ARHGAP26: variants seen among roughly 807,000 people sequenced by gnomAD.
ARHGAP26 encodes the protein Rho GTPase activating protein 26, also known as rho GTPase-activating protein 26.
Under a neutral mutation model 104.8 loss-of-function variants are expected in ARHGAP26, and 38 were observed. The ratio of observed to expected loss-of-function variants is 0.36; its 90% CI spans 0.28 to 0.48. ARHGAP26 has a LOEUF of 0.48. ARHGAP26 is among the 20% of genes least tolerant of loss of function. The pLI, the probability that ARHGAP26 is intolerant of heterozygous loss-of-function variation, is 0.99. For missense variants in ARHGAP26, 704 were observed against 947.9 expected, an observed-to-expected ratio of 0.74 and a Z score of 3.38; for synonymous variants, 341 against 340.0, an observed-to-expected ratio of 1.00 and a Z score of -0.03.
At chr5:142,912,956 C>T (rs778025881) in intron 9 of ARHGAP26, among the ~76,000 whole-genome samples, 25 of 152,164 alleles carry the variant, frequency 1.6e-4, no homozygotes, top group Admixed American at 3.3e-4. Flanking sequence ...TGGACAGATG[C>T]GGTGCCATCA....
At chr5:142,831,756 A>G (rs1221899172) in intron 1 of ARHGAP26, among the ~76,000 whole-genome samples, 1 of 151,980 alleles carries the variant, frequency 6.6e-6, no homozygotes, top group Non-Finnish European at 1.5e-5. Flanking sequence ...CCTTTACCTT[A>G]ACACTTTGCT....
chr5:142,964,335 C>A (rs565963310), intron 11 of ARHGAP26, among the ~76,000 whole-genome samples: 19 of 152,190 alleles, frequency 1.2e-4, no homozygotes, highest in African/African-American at 3.9e-4. Context: ...TTACTAAATT[C>A]TTTTCTTTGA....
chr5:142,922,448 T>G (rs775398505), intron 10 of ARHGAP26, among the ~76,000 whole-genome samples: 5 of 152,044 alleles, frequency 3.3e-5, no homozygotes, highest in African/African-American at 4.8e-5. Flanking sequence ...GTGTGTTTTC[T>G]GTAGAAAAAA....
intron 4 of ARHGAP26, among the ~76,000 whole-genome samples, chr5:142,882,541 C>G (rs935074658): frequency 3.3e-5 from 5 of 152,196 alleles, no homozygotes; most frequent in Admixed American, 6.5e-5. Flanking sequence ...CAAAAAGATA[C>G]AAATAAATGT....
At chr5:143,212,568 A>G (rs915835743) in intron 21 of ARHGAP26, among the ~76,000 whole-genome samples, 15 of 152,130 alleles carry the variant, frequency 9.9e-5, no homozygotes, top group African/African-American at 3.4e-4. Flanking sequence ...CTTTGTTCCC[A>G]GGGGTCCCAC....
intron 10 of ARHGAP26, among the ~76,000 whole-genome samples, chr5:142,919,841 A>T (rs1025298705): frequency 6.6e-6 from 1 of 152,092 alleles, no homozygotes; most frequent in Non-Finnish European, 1.5e-5. Flanking sequence ...TACTAAAAAT[A>T]TAGAAAAAAA....
intron 11 of ARHGAP26, among the ~76,000 whole-genome samples, chr5:142,983,742 C>G (rs913856860): frequency 1.3e-5 from 2 of 151,962 alleles, no homozygotes; most frequent in Non-Finnish European, 2.9e-5. Flanking sequence ...TCTTAGAAAA[C>G]AGTGGTTAAT....
chr5:143,125,664 A>G (rs1317177968), intron 18 of ARHGAP26, among the ~76,000 whole-genome samples: 1 of 152,224 alleles, frequency 6.6e-6, no homozygotes, highest in East Asian at 1.9e-4. Flanking sequence ...CATGTTGGTA[A>G]TACATACTGA....
At chr5:143,202,955 C>T (rs1023529015) in intron 20 of ARHGAP26, 1 of 152,094 alleles carries the variant, frequency 6.6e-6, no homozygotes, top group African/African-American at 2.4e-5. Context: ...AAATGTAAGA[C>T]CTAAAGCCGT....
chr5:143,222,539 A>G lies in ARHGAP26; in HGVS notation c.*93A>G. ...GGCCATTTCTCTTTGCCACTGAGAA[A>G]TGCAGCGTGACTGACTCTGTTGCTA... On this transcript the variant is annotated 3_prime_UTR_variant, in exon 23 of 23. Coordinates refer to ENST00000645722, the MANE Select transcript of ARHGAP26 (RefSeq NM_001135608.3). 9.8e-7 allele frequency: 1 copy of G among 1,022,708 alleles called. No homozygotes were observed. Among genetic ancestry groups the G allele is most frequent in the Non-Finnish European group, 1.4e-6 (1 of 719,174 alleles). 63.4% of individuals were successfully genotyped at this position (1,022,708 alleles called of 1,614,324 possible). A position where few individuals can be genotyped will look rare whatever the true frequency, so the allele number is the denominator to read the frequency against.
intron 1 of ARHGAP26, among the ~76,000 whole-genome samples, chr5:142,848,813 A>G (rs777083267): frequency 3.3e-5 from 5 of 152,192 alleles, no homozygotes; most frequent in Non-Finnish European, 5.9e-5. Flanking sequence ...TATGTAACCT[A>G]GCCATGGCTT....
intron 11 of ARHGAP26, among the ~76,000 whole-genome samples, chr5:142,994,578 A>C (rs933195143): frequency 5.3e-5 from 8 of 152,166 alleles, no homozygotes; most frequent in African/African-American, 1.9e-4. Flanking sequence ...GAACTCCCAG[A>C]TGGGACTGTT....
At chr5:143,105,148 G>A (rs2150659351) in intron 17 of ARHGAP26, among the ~76,000 whole-genome samples, 1 of 152,228 alleles carries the variant, frequency 6.6e-6, no homozygotes, top group African/African-American at 2.4e-5. Context: ...GGCCAAGGTG[G>A]GCGGATCACC....
chr5:143,060,774 T>G (rs567800790), intron 17 of ARHGAP26, among the ~76,000 whole-genome samples: 36 of 152,158 alleles, frequency 2.4e-4, no homozygotes, highest in Non-Finnish European at 4.9e-4. Context: ...AATCTGCATT[T>G]CTGATTTATT....
chr5:142,963,726 A>C (rs1770796100), intron 11 of ARHGAP26, among the ~76,000 whole-genome samples: 1 of 152,130 alleles, frequency 6.6e-6, no homozygotes, highest in Non-Finnish European at 1.5e-5. Flanking sequence ...CAACCTCTAG[A>C]ACCTTCTATC....
chr5:142,949,227 A>AG (rs1562137113), intron 11 of ARHGAP26, among the ~76,000 whole-genome samples: 9 of 75,548 alleles, frequency 1.2e-4, no homozygotes, highest in East Asian at 3.6e-3. Flanking sequence ...GAGAGGAGAG[A>AG]GAGAGGAGAG....
At chr5:142,972,180 TA>T (rs55877614) in intron 11 of ARHGAP26, among the ~76,000 whole-genome samples, 64,516 of 142,328 alleles carry the variant, frequency 0.45, 17,951 homozygotes, top group East Asian at 0.86. Flanking sequence ...AGATTCCATC[TA>T]AAAAAAAAAA....
intron 1 of ARHGAP26, among the ~76,000 whole-genome samples, chr5:142,821,546 G>T (rs1038964136): frequency 2.5e-4 from 38 of 152,002 alleles, no homozygotes; most frequent in African/African-American, 8.9e-4. Flanking sequence ...CTGGGCCATG[G>T]CTGGGAATTA....
rs973073382 is a variant in ARHGAP26 at position 142,983,486 on chromosome 5, G to A, written c.1108-30594G>A. Among the ~76,000 whole-genome samples the A allele has an allele frequency of 3.9e-5, 6 of 152,190 alleles. No homozygotes were observed. In the East Asian group the frequency reaches 5.8e-4, roughly 15 times the overall value. On this transcript the variant is annotated intron_variant, in intron 11 of 22. Coordinates refer to ENST00000645722, the MANE Select transcript of ARHGAP26 (RefSeq NM_001135608.3). ...CTCTCAAAGTGCTGGGATTACAGGC[G>A]TGAGCCTCCACGACCAGCCTGGTCC...
Sources: allele counts gnomAD v4.1 joint callset (sites outside exome capture counted in the v4.1 genomes callset), GRCh38; gene constraint gnomAD v4.1.1; transcripts MANE v1.5; gene names NCBI Gene and HGNC (gene_info 2026-07-23, HGNC 2026-07-21).